The following TRRAP variants were observed in gnomAD, a reference collection of about 807,000 sequenced individuals.
The protein encoded by TRRAP is transformation/transcription domain associated protein, also known as transformation/transcription domain-associated protein.
In TRRAP, 41 loss-of-function variants were observed where a neutral mutation model predicts 438.8. The observed-to-expected ratio is 0.09, with a 90% CI of 0.07 to 0.12. The LOEUF (loss-of-function observed/expected upper bound fraction) is 0.12. TRRAP is among the 10% of genes least tolerant of loss of function. TRRAP has a pLI of 1.00. For missense variants in TRRAP, 3,122 were observed against 5,055.1 expected, an observed-to-expected ratio of 0.62 and a Z score of 11.60; for synonymous variants, 1,994 against 1,962.9, an observed-to-expected ratio of 1.02 and a Z score of -0.42.
chr7:98,974,883 TGA>T (rs1421242724), intron 53 of TRRAP, among the ~76,000 whole-genome samples: 1 of 133,678 alleles, frequency 7.5e-6, no homozygotes, highest in Non-Finnish European at 1.7e-5. Flanking sequence ...GCTGTGATGA[TGA>T]TTTTTTCAGG....
At chr7:98,885,234 C>T (rs1210775089) in intron 3 of TRRAP, among the ~76,000 whole-genome samples, 4 of 149,260 alleles carry the variant, frequency 2.7e-5, no homozygotes, top group Non-Finnish European at 5.9e-5. Flanking sequence ...ACTACAGATG[C>T]AAGACACTAT....
At chr7:98,997,680 T>C (rs890696144) in intron 67 of TRRAP, among the ~76,000 whole-genome samples, 3 of 151,970 alleles carry the variant, frequency 2.0e-5, no homozygotes, top group African/African-American at 7.3e-5. Flanking sequence ...GCAGAGGAAA[T>C]AAAATCATGT....
intron 19 of TRRAP, 137 bp downstream of exon 19, chr7:98,916,025 GC>G: frequency 8.2e-6 from 9 of 1,102,934 alleles, no homozygotes; most frequent in Non-Finnish European, 8.9e-6. Context: ...CACATCCGCC[GC>G]CCCCCTGCCC....
intron 33 of TRRAP, 34 bp downstream of exon 33, chr7:98,945,984 G>T (rs1459768356): frequency 7.0e-7 from 1 of 1,419,720 alleles, no homozygotes; most frequent in Non-Finnish European, 9.2e-7. Context: ...GGAGGGGGTT[G>T]TTGTCGTTGC....
Position 98,910,212 on chromosome 7 carries a change from G to A in TRRAP, c.1507G>A (p.Val503Ile), listed in dbSNP as rs1444304261. 4 of 1,540,574 alleles carry A rather than the reference G, an allele frequency of 2.6e-6. No individual in the cohort carries two copies. Among genetic ancestry groups the A allele is most frequent in the South Asian group, 1.2e-5 (1 of 83,948 alleles). Residue 503 changes from valine to isoleucine, a missense_variant, in exon 15 of 73, where the codon GTC becomes ATC. Around this residue, in one of 24 missense-constraint regions of TRRAP, gnomAD observed 115 missense variants for 124.6 expected, o/e 0.92. Coordinates refer to ENST00000456197, the MANE Select transcript of TRRAP (RefSeq NM_001375524.1). Reference protein sequence around the residue: ...APGPAPSPAPVPAPPPPPPPP... With the variant: ...APGPAPSPAPIPAPPPPPPPP... ...TGGCCCTGCTCCCTCCCCAGCCCCT[G>A]TCCCTGCCCCACCTCCACCCCCGCC...
chr7:98,997,247 A>G (rs1793708957), intron 67 of TRRAP, among the ~76,000 whole-genome samples: 1 of 152,038 alleles, frequency 6.6e-6, no homozygotes, highest in Non-Finnish European at 1.5e-5. Context: ...CGGAGGTTGC[A>G]GTGAGCCAAA....
chr7:98,931,681 C>A lies in TRRAP; in HGVS notation c.3852+16C>A, dbSNP rs200361659. ...CCACAAAGAGGTGAGATTTCTGTCA[C>A]CAGAACCAAGGTAATTTCAACAAAA... is the stretch of plus-strand genomic sequence containing the variant. On this transcript the variant is annotated intron_variant, in intron 26 of 72. Coordinates refer to ENST00000456197, the MANE Select transcript of TRRAP (RefSeq NM_001375524.1). The A allele has an allele frequency of 3.7e-5, 59 of 1,603,316 alleles. 1 individual carries two copies. The East Asian group carries it at 1.0e-3, about 28-fold the overall frequency.
chr7:99,011,099 C>T lies in TRRAP; in HGVS notation c.10986C>T (p.Arg3662=). Residue 3662 remains arginine, a synonymous_variant, in exon 71 of 73, where the codon CGC becomes CGT. Transcript: ENST00000456197. The surrounding 1 kb of genome is among the most constrained non-coding windows in gnomAD (Gnocchi z 7.1). ...LKEVQSNMVP[R]SMLKEWALHT... is the part of the protein sequence containing the mutation. Reference sequence around the variant, plus strand: ...AGGTTCAGAGTAACATGGTGCCGCGCAGCATGCTCAAGGAGTGGGCGCTGC... The same window carrying T: ...AGGTTCAGAGTAACATGGTGCCGCGTAGCATGCTCAAGGAGTGGGCGCTGC... 6 of 1,614,188 alleles carry T rather than the reference C, an allele frequency of 3.7e-6. No homozygotes were observed. Among genetic ancestry groups the T allele is most frequent in the Non-Finnish European group, 4.2e-6 (5 of 1,180,036 alleles).
intron 3 of TRRAP, among the ~76,000 whole-genome samples, chr7:98,888,619 C>T (rs1023319319): frequency 4.6e-5 from 7 of 152,232 alleles, no homozygotes; most frequent in Admixed American, 6.5e-5. Flanking sequence ...CTTTTACACT[C>T]GTGCTTTCTC....
intron 1 of TRRAP, among the ~76,000 whole-genome samples, chr7:98,879,607 C>T (rs1254004872): frequency 1.3e-5 from 2 of 152,140 alleles, no homozygotes; most frequent in Admixed American, 1.3e-4. Context: ...TGCCTTGGGC[C>T]GATGGAGATG....
intron 11 of TRRAP, among the ~76,000 whole-genome samples, chr7:98,902,973 T>C (rs1584288239): frequency 6.8e-6 from 1 of 147,132 alleles, no homozygotes; most frequent in Non-Finnish European, 1.5e-5. Context: ...GCTACTGAGG[T>C]GGGAGGATGG....
chr7:98,887,505 T>C (rs572961506), intron 3 of TRRAP, among the ~76,000 whole-genome samples: 1 of 151,932 alleles, frequency 6.6e-6, no homozygotes, highest in Non-Finnish European at 1.5e-5. Flanking sequence ...TGGGGCCGCC[T>C]CCCATACAGT....
intron 30 of TRRAP, among the ~76,000 whole-genome samples, chr7:98,940,746 G>A (rs782665911): frequency 7.2e-5 from 11 of 152,154 alleles, no homozygotes; most frequent in Non-Finnish European, 1.3e-4. Context: ...TAACGTTGAC[G>A]GTGCCTTTGC....
intron 44 of TRRAP, among the ~76,000 whole-genome samples, chr7:98,959,016 T>C (rs1791757546): frequency 6.6e-6 from 1 of 152,152 alleles, no homozygotes; most frequent in Non-Finnish European, 1.5e-5. Flanking sequence ...TTCCAAGTAC[T>C]GAAAAGGATC....
chr7:98,971,283 AT>A (rs1374802736), intron 52 of TRRAP, among the ~76,000 whole-genome samples: 1 of 152,188 alleles, frequency 6.6e-6, no homozygotes, highest in Non-Finnish European at 1.5e-5. Context: ...CACACACCAA[AT>A]TGTCGATACC....
chr7:99,002,286 C>T (rs1793966206), intron 67 of TRRAP, among the ~76,000 whole-genome samples: 1 of 152,170 alleles, frequency 6.6e-6, no homozygotes, highest in African/African-American at 2.4e-5. Flanking sequence ...CGCACACACA[C>T]GTGCACACAT....
At chr7:98,963,460 C>G (rs1792009012) in intron 47 of TRRAP, among the ~76,000 whole-genome samples, 1 of 152,132 alleles carries the variant, frequency 6.6e-6, no homozygotes, top group African/African-American at 2.4e-5. Context: ...CCTCATGGGC[C>G]CTGCCTCCCT....
chr7:98,967,874 G>A (rs1385672450), intron 51 of TRRAP, among the ~76,000 whole-genome samples, 176 bp downstream of exon 51: 4 of 152,154 alleles, frequency 2.6e-5, no homozygotes, highest in East Asian at 1.9e-4. Flanking sequence ...CATCTAAAGC[G>A]TTTTTGGGCT....
At chr7:98,884,719 G>A (rs1472398240) in intron 3 of TRRAP, among the ~76,000 whole-genome samples, 2 of 152,062 alleles carry the variant, frequency 1.3e-5, no homozygotes, top group Non-Finnish European at 2.9e-5. Context: ...GAACACTGAG[G>A]ATTTTACTCC....
Sources: gnomAD v4.1 joint callset for allele counts (sites outside exome capture counted in the v4.1 genomes callset) on GRCh38, gnomAD v4.1.1 for gene constraint, gnomAD v4.1.1 regional missense constraint, Gnocchi (gnomAD v3.1) non-coding constraint, MANE v1.5 for transcripts, NCBI Gene and HGNC (gene_info 2026-07-23, HGNC 2026-07-21) for gene names.